The following MRTFB variants were observed in gnomAD, a reference collection of about 807,000 sequenced individuals.
The protein encoded by MRTFB is myocardin-related transcription factor B.
Under a neutral mutation model 104.2 loss-of-function variants are expected in MRTFB, and 29 were observed. The observed-to-expected ratio is 0.28, with a 90% CI of 0.21 to 0.38. MRTFB has a LOEUF of 0.38. Ranked by LOEUF, MRTFB falls within the 10% of genes least tolerant of loss-of-function variation. The pLI, the probability that MRTFB is intolerant of heterozygous loss-of-function variation, is 1.00. For missense variants in MRTFB, 1,270 were observed against 1,341.6 expected, an observed-to-expected ratio of 0.95 and a Z score of 0.83; for synonymous variants, 535 against 519.5, an observed-to-expected ratio of 1.03 and a Z score of -0.41.
rs559313254 is a variant in MRTFB, at chr16:14,228,436, G to A, written c.694-5710G>A. Among the ~76,000 whole-genome samples, 51 of 152,240 alleles carry A rather than the reference G, an allele frequency of 3.3e-4. No individual in the cohort carries two copies. The Middle Eastern group carries it at 0.01, about 30-fold the overall frequency. ...CTAAAAATAGAAAAATTAGCTGGGC[G>A]TGGTGGTACGTGCCTGTAATCCCAG... On this transcript the variant is annotated intron_variant, in intron 8 of 16. Coordinates refer to ENST00000571589, the MANE Select transcript of MRTFB (RefSeq NM_001308142.2).
chr16:14,022,068 T>C, the MRTFB span, among the ~76,000 whole-genome samples: 13 of 152,198 alleles, frequency 8.5e-5, no homozygotes, highest in African/African-American at 2.7e-4. Flanking sequence ...TAGGATTATG[T>C]TGGGCCCACC....
At chr16:14,205,752 T>C (rs1001629969) in intron 3 of MRTFB, among the ~76,000 whole-genome samples, 3 of 152,228 alleles carry the variant, frequency 2.0e-5, no homozygotes, top group Non-Finnish European at 4.4e-5. Flanking sequence ...TTCTATAGTT[T>C]GTACGTGTAT....
chr16:14,066,309 T>G, the MRTFB span, among the ~76,000 whole-genome samples: 6 of 152,038 alleles, frequency 3.9e-5, no homozygotes, highest in African/African-American at 1.4e-4. Flanking sequence ...AGTCTCACTC[T>G]GTTGCCCAGG....
intron 2 of MRTFB, among the ~76,000 whole-genome samples, chr16:14,119,013 C>T (rs1236761785): frequency 6.6e-6 from 1 of 152,100 alleles, no homozygotes; most frequent in African/African-American, 2.4e-5. Flanking sequence ...TTATTTTCAA[C>T]ATTGTGGTAT....
chr16:14,244,462 A>G (rs1485203700), intron 10 of MRTFB, among the ~76,000 whole-genome samples: 1 of 152,140 alleles, frequency 6.6e-6, no homozygotes, highest in Non-Finnish European at 1.5e-5. Flanking sequence ...ACTACGAAAG[A>G]AAAGTTTCAA....
chr16:14,142,245 C>CT (rs71999049), intron 3 of MRTFB: 4,168 of 122,096 alleles, frequency 0.034, 147 homozygotes, highest in Middle Eastern at 0.054. Flanking sequence ...TCTTTTCTTT[C>CT]TTTTTTTTTT....
intron 3 of MRTFB, chr16:14,142,474 T>G (rs987395228): frequency 3.9e-5 from 6 of 152,078 alleles, no homozygotes; most frequent in African/African-American, 1.4e-4. Flanking sequence ...GGTTTTGATC[T>G]CCTGACCTCG....
chr16:14,065,053 T>C, the MRTFB span, among the ~76,000 whole-genome samples: 2 of 152,256 alleles, frequency 1.3e-5, no homozygotes, highest in Non-Finnish European at 2.9e-5. Context: ...TTGGGTAGTA[T>C]GGCCATTTTA....
At chr16:14,023,675 G>A in the MRTFB span, among the ~76,000 whole-genome samples, 5,137 of 145,038 alleles carry the variant, frequency 0.035, 253 homozygotes, top group African/African-American at 0.11. Flanking sequence ...GTGTGTGTGT[G>A]TCTATATATA....
intron 3 of MRTFB, among the ~76,000 whole-genome samples, chr16:14,164,253 G>A (rs953524065): frequency 2.0e-5 from 3 of 152,034 alleles, no homozygotes; most frequent in African/African-American, 7.2e-5. Flanking sequence ...CTATCATTCC[G>A]TTACTCTGTA....
intron 2 of MRTFB, among the ~76,000 whole-genome samples, chr16:14,114,152 C>T (rs147935445): frequency 1.4e-4 from 22 of 152,274 alleles, no homozygotes; most frequent in African/African-American, 5.3e-4. Context: ...TTAATGTTGC[C>T]AATGTCTTCC....
intron 2 of MRTFB, among the ~76,000 whole-genome samples, chr16:14,091,876 TC>T (rs1292945583): frequency 6.6e-6 from 1 of 150,546 alleles, no homozygotes; most frequent in African/African-American, 2.4e-5. Flanking sequence ...CTGCCTGTAA[TC>T]CCAGCTACTC....
intron 2 of MRTFB, among the ~76,000 whole-genome samples, chr16:14,133,762 TAC>T (rs200157591): frequency 0.011 from 1,605 of 152,322 alleles, 31 homozygotes; most frequent in African/African-American, 0.036. Flanking sequence ...TCAACAAAAT[TAC>T]AGTTTGTTTT....
intron 2 of MRTFB, among the ~76,000 whole-genome samples, chr16:14,123,745 A>T (rs2036967970): frequency 6.6e-6 from 1 of 152,170 alleles, no homozygotes; most frequent in Non-Finnish European, 1.5e-5. Flanking sequence ...TGTCTTGGCT[A>T]TGAGGGCTCC....
chr16:14,084,469 C>T (rs999336196), intron 2 of MRTFB, among the ~76,000 whole-genome samples: 9 of 152,030 alleles, frequency 5.9e-5, no homozygotes, highest in Non-Finnish European at 1.2e-4. Flanking sequence ...GAGGCTAGGA[C>T]GTGGAGGTCT....
intron 3 of MRTFB, chr16:14,200,191 T>C: frequency 1.1e-6 from 1 of 939,232 alleles, no homozygotes; most frequent in Non-Finnish European, 1.6e-6. Flanking sequence ...ATATTCATTA[T>C]AGCATTATTT....
At chr16:14,223,778 G>C (rs1475721019) in intron 8 of MRTFB, among the ~76,000 whole-genome samples, 1 of 152,182 alleles carries the variant, frequency 6.6e-6, no homozygotes, top group African/African-American at 2.4e-5. Flanking sequence ...AGGAAAGAGA[G>C]AAAGGGGCAA....
At chr16:14,136,540 A>AT (rs572591202) in intron 2 of MRTFB, among the ~76,000 whole-genome samples, 29 of 151,506 alleles carry the variant, frequency 1.9e-4, no homozygotes, top group South Asian at 8.4e-4. Context: ...CCCATCAGGG[A>AT]TTTTTTTTTA....
At chr16:14,013,509 T>C in the MRTFB span, 98,718 of 152,040 alleles carry the variant, frequency 0.65, 33,187 homozygotes, top group African/African-American at 0.8. Context: ...GTACCCTGAC[T>C]GTGTTGGCTG....
Sources: allele counts gnomAD v4.1 joint callset (sites outside exome capture counted in the v4.1 genomes callset), GRCh38; gene constraint gnomAD v4.1.1; transcripts MANE v1.5; gene names NCBI Gene and HGNC (gene_info 2026-07-23, HGNC 2026-07-21).